The following IFNL2 variants were observed in gnomAD, a reference collection of about 807,000 sequenced individuals.
IFNL2 encodes interferon lambda 2, also known as interferon lambda-2.
Under a neutral mutation model 18.7 loss-of-function variants are expected in IFNL2, and 17 were observed. The ratio of observed to expected loss-of-function variants is 0.91; its 90% CI spans 0.62 to 1.36. The LOEUF (loss-of-function observed/expected upper bound fraction) is 1.36. Among genes scored for constraint, IFNL2 ranks in the 40% most tolerant of loss-of-function variants. The pLI is 0.00. For missense variants in IFNL2, 225 were observed against 257.3 expected (o/e 0.87, Z 0.86); for synonymous variants, 96 against 113.4 (o/e 0.85, Z 0.98).
rs1372278206 is a variant in IFNL2 at position 39,268,798 on chromosome 19, C to T, written c.132C>T (p.Ala44=). Residue 44 remains alanine (A), a synonymous_variant, in exon 2 of 6, where the codon GCC becomes GCT. Transcript: ENST00000331982. ...ALPDARGCHI[A]QFKSLSPQEL... is the part of the protein sequence containing the mutation. ...CGGATGCAAGGGGCTGCCACATAGC[C>T]CAGTTCAAGTCCCTGTCTCCACAGG... 6.2e-7 allele frequency: 1 copy of T among 1,613,796 alleles called. No homozygotes were observed. Among genetic ancestry groups the T allele is most frequent in the African/African-American group, 1.3e-5 (1 of 74,884 alleles).
At position 39,269,630 on chromosome 19, in the gene IFNL2, G is replaced by A. The variant is rs781235388; in HGVS notation, c.413G>A (p.Arg138Gln). 1.4e-5 allele frequency: 23 copies of A among 1,613,990 alleles called. No homozygotes were observed. Among genetic ancestry groups the A allele is most frequent in the Non-Finnish European group, 1.8e-5 (21 of 1,179,940 alleles). Reference sequence around the variant, plus strand: ...CTGCACCATATCCTCTCCCAGTTCCGGGCCTGTGTGAGTCGTTGGGGCCTG... The same window carrying A: ...CTGCACCATATCCTCTCCCAGTTCCAGGCCTGTGTGAGTCGTTGGGGCCTG... ...HTLHHILSQF[R>Q]ACIQPQPTAG... The change falls in exon 4 of 6, where the codon CGG (arginine) becomes CAG (glutamine). Residue 138 changes from arginine (R) to glutamine (Q), a missense_variant. Coordinates refer to ENST00000331982, the MANE Select transcript of IFNL2 (RefSeq NM_172138.2).
At position 39,269,237 on chromosome 19, in the gene IFNL2, G is replaced by A. The variant is rs1230291884; in HGVS notation, c.270+8G>A. 4 of 1,606,366 alleles carry A rather than the reference G, an allele frequency of 2.5e-6. No homozygotes were observed. Among genetic ancestry groups the A allele is most frequent in the Non-Finnish European group, 3.4e-6 (4 of 1,176,686 alleles). The stretch of plus-strand genomic sequence containing the variant: ...GACCTGAGGCAGCTGCAGGTGAGAG[G>A]GGGAGTCAGGCCCACCCCTGCTCTC... On this transcript the variant is annotated splice_region_variant and intron_variant, in intron 3 of 5. Transcript: ENST00000331982.
At chr19:39,268,940 C>T (rs992450663) in intron 2 of IFNL2, 82 bp downstream of exon 2, 11 of 1,523,590 alleles carry the variant, frequency 7.2e-6, no homozygotes, top group Non-Finnish European at 8.9e-6. Context: ...CTCCCAGCTT[C>T]CTTCACTGGG....
In IFNL2 at chr19:39,268,773, C is replaced by G. The variant is rs199501344; in HGVS notation, c.107C>G (p.Pro36Arg). ...GTCGCCAGGCTCCACGGGGCTCTCC[C>G]GGATGCAAGGGGCTGCCACATAGCC... ...VPVARLHGAL[P>R]DARGCHIAQF... The change falls in exon 2 of 6, where the codon CCG (proline) becomes CGG (arginine). Residue 36 changes from proline to arginine, a missense_variant. Coordinates refer to ENST00000331982, the MANE Select transcript of IFNL2 (RefSeq NM_172138.2). The G allele has an allele frequency of 6.8e-6, 11 of 1,613,650 alleles. No homozygotes were observed. The highest frequency in any genetic ancestry group is 3.3e-5 in the Admixed American group (2 of 60,014).
chr19:39,269,964 T>C lies in IFNL2; in HGVS notation c.554T>C (p.Leu185Pro). ...TCTGTCACCTTCAACCTCTTCCGCCTCCTCACGCGAGACCTGAATTGTGTT... is the reference window on the plus strand; with the variant it reads ...TCTGTCACCTTCAACCTCTTCCGCCCCCTCACGCGAGACCTGAATTGTGTT... ...EASVTFNLFRLLTRDLNCVAS... is the reference protein window; with the variant it reads ...EASVTFNLFRPLTRDLNCVAS... Residue 185 changes from leucine (L) to proline (P), a missense_variant, in exon 6 of 6, where the codon CTC becomes CCC. Physicochemically the swap from Leu to Pro is moderately conservative, Grantham distance 98. Transcript: ENST00000331982. 2 of 1,603,412 alleles carry C rather than the reference T, an allele frequency of 1.2e-6. No homozygotes were observed. The highest frequency in any genetic ancestry group is 1.7e-6 in the Non-Finnish European group (2 of 1,174,786).
rs2075022864 is a variant in IFNL2 at position 39,268,417 on chromosome 19, G to A, written c.-152G>A. The A allele has an allele frequency of 2.3e-5, 16 of 710,564 alleles. No homozygotes were observed. Among genetic ancestry groups the A allele is most frequent in the Non-Finnish European group, 3.8e-5 (16 of 416,856 alleles). 44.0% of individuals were successfully genotyped at this position (710,564 alleles called of 1,614,324 possible). The stretch of plus-strand genomic sequence containing the variant: ...AGGCAGGAATTACATCCCAGACAGA[G>A]CTCAAAACTGACAGAAAGAGTCAAA... On this transcript the variant is annotated 5_prime_UTR_variant, in exon 1 of 6. Transcript: ENST00000331982.
chr19:39,269,071 T>C, intron 2 of IFNL2, 81 bp from the exon 3 acceptor site: 2 of 1,502,590 alleles, frequency 1.3e-6, no homozygotes, highest in Non-Finnish European at 1.8e-6. Flanking sequence ...CCTATCCTGT[T>C]GTCAGCCATC....
chr19:39,269,525 C>A lies in IFNL2; in HGVS notation c.308C>A (p.Ala103Asp). 6.2e-7 allele frequency: 1 copy of A among 1,614,218 alleles called. No homozygotes were observed. Among genetic ancestry groups the A allele is most frequent in the South Asian group, 1.1e-5 (1 of 91,088 alleles). The change falls in exon 4 of 6, where the codon GCC (alanine) becomes GAC (aspartate). Residue 103 changes from alanine (A) to aspartate (D), a missense_variant. Ala to Asp is a moderately radical substitution (Grantham distance 126). Transcript: ENST00000331982. ...ERPMALEAELALTLKVLEATA... is the reference protein window; with the variant it reads ...ERPMALEAELDLTLKVLEATA... ...CCCATGGCTTTGGAGGCTGAGCTGGCCCTGACGCTGAAGGTTCTGGAGGCC... is the reference window on the plus strand; with the variant it reads ...CCCATGGCTTTGGAGGCTGAGCTGGACCTGACGCTGAAGGTTCTGGAGGCC...
intron 5 of IFNL2, 39 bp downstream of exon 5, chr19:39,269,860 G>A: frequency 1.6e-5 from 25 of 1,607,930 alleles, no homozygotes; most frequent in Non-Finnish European, 2.1e-5. Flanking sequence ...GGTCTGGGGA[G>A]CCACTGGGAG....
chr19:39,269,458 C>A lies in IFNL2; in HGVS notation c.271-30C>A, dbSNP rs764662143. On this transcript the variant is annotated intron_variant, in intron 3 of 5. Transcript: ENST00000331982. ...CCCAACCTGTTCCCCTCACCTCCCCCCTCACCTGCTCTTTCTCACCTCTCC... is the reference window on the plus strand; with the variant it reads ...CCCAACCTGTTCCCCTCACCTCCCCACTCACCTGCTCTTTCTCACCTCTCC... 6 of 1,613,100 alleles carry A rather than the reference C, an allele frequency of 3.7e-6. No individual in the cohort carries two copies. The African/African-American group carries it at 4.0e-5, about 11-fold the overall frequency.
At position 39,269,236 on chromosome 19, in the gene IFNL2, G is replaced by T. The variant is rs778475720; in HGVS notation, c.270+7G>T. The stretch of plus-strand genomic sequence containing the variant: ...GGACCTGAGGCAGCTGCAGGTGAGA[G>T]GGGGAGTCAGGCCCACCCCTGCTCT... On this transcript the variant is annotated splice_region_variant and intron_variant, in intron 3 of 5. Coordinates refer to ENST00000331982, the MANE Select transcript of IFNL2 (RefSeq NM_172138.2). 1.8e-5 allele frequency: 29 copies of T among 1,606,398 alleles called. No homozygotes were observed. The South Asian group carries it at 2.5e-4, about 14-fold the overall frequency.
chr19:39,269,330 C>T (rs2075026791), intron 3 of IFNL2, 101 bp downstream of exon 3: 1 of 1,477,348 alleles, frequency 6.8e-7, no homozygotes, highest in African/African-American at 1.4e-5. Context: ...TCTCTCTCTT[C>T]TCCTCACACC....
rs2075023625 is a variant in IFNL2 at position 39,268,679 on chromosome 19, A to G, written c.13A>G (p.Met5Val). 1.2e-6 allele frequency: 2 copies of G among 1,613,328 alleles called. No individual in the cohort carries two copies. Among genetic ancestry groups the G allele is most frequent in the Non-Finnish European group, 1.7e-6 (2 of 1,179,850 alleles). The change falls in exon 2 of 6, where the codon ATG (methionine) becomes GTG (valine). Residue 5 changes from methionine (M) to valine (V), a missense_variant and splice_region_variant. Coordinates refer to ENST00000331982, the MANE Select transcript of IFNL2 (RefSeq NM_172138.2). Reference protein sequence around the residue: MKLDMTGDCTPVLVL... With the variant: MKLDVTGDCTPVLVL... ...CTCCCTTTCTCTCTGTGACACAGACATGACTGGGGACTGCACGCCAGTGCT... is the reference window on the plus strand; with the variant it reads ...CTCCCTTTCTCTCTGTGACACAGACGTGACTGGGGACTGCACGCCAGTGCT...
chr19:39,269,634 C>A lies in IFNL2; in HGVS notation c.417C>A (p.Ala139=), dbSNP rs745776133. ...TLHHILSQFR[A]CIQPQPTAGP... ...ACCATATCCTCTCCCAGTTCCGGGC[C>A]TGTGTGAGTCGTTGGGGCCTGGGCA... Residue 139 remains alanine (A), a synonymous_variant, in exon 4 of 6, where the codon GCC becomes GCA. Transcript: ENST00000331982. 6 of 1,613,996 alleles carry A rather than the reference C, an allele frequency of 3.7e-6. No homozygotes were observed. In the South Asian group the frequency reaches 6.6e-5, roughly 18 times the overall value.
intron 2 of IFNL2, 142 bp downstream of exon 2, chr19:39,269,000 G>C: frequency 7.3e-7 from 1 of 1,371,866 alleles, no homozygotes. Context: ...CTACTGTAGG[G>C]ACTGACTCAT....
chr19:39,269,176 T>C lies in IFNL2; in HGVS notation c.217T>C (p.Cys73Arg). ...GGAAGAGTCGCTTCTGCTGAAGGAC[T>C]GCAGGTGCCACTCCCGCCTCTTCCC... ...ALEESLLLKDCRCHSRLFPRT... is the reference protein window; with the variant it reads ...ALEESLLLKDRRCHSRLFPRT... Residue 73 changes from cysteine (C) to arginine (R), a missense_variant, in exon 3 of 6, where the codon TGC becomes CGC. Coordinates refer to ENST00000331982, the MANE Select transcript of IFNL2 (RefSeq NM_172138.2). The C allele has an allele frequency of 4.3e-6, 7 of 1,611,312 alleles. No individual in the cohort carries two copies. Among genetic ancestry groups the C allele is most frequent in the Non-Finnish European group, 5.1e-6 (6 of 1,178,796 alleles).
Position 39,268,633 on chromosome 19 carries a change from G to A in IFNL2, c.11-44G>A, listed in dbSNP as rs371255151. On this transcript the variant is annotated intron_variant, in intron 1 of 5. Coordinates refer to ENST00000331982, the MANE Select transcript of IFNL2 (RefSeq NM_172138.2). ...CTCCTGCAGCCCCTGCCCTCAGTGG[G>A]CAGCCTCTCCATCCCCTCAGCTCCC... 7.4e-6 allele frequency: 12 copies of A among 1,613,598 alleles called. No individual in the cohort carries two copies. In the African/African-American group the frequency reaches 1.3e-4, roughly 18 times the overall value.
intron 4 of IFNL2, 28 bp from the exon 5 acceptor site, chr19:39,269,710 C>T: frequency 6.2e-7 from 1 of 1,606,126 alleles, no homozygotes; most frequent in Non-Finnish European, 8.5e-7. Context: ...AAGGCCCCGG[C>T]TCACACACCG....
Position 39,268,412 on chromosome 19 carries a change from A to G in IFNL2, c.-157A>G. The G allele has an allele frequency of 2.9e-6, 2 of 687,830 alleles. No individual in the cohort carries two copies. The allele number at this position is 687,830 out of a possible 1,614,324, so 42.6% of individuals were successfully genotyped here. On this transcript the variant is annotated 5_prime_UTR_variant, in exon 1 of 6. Transcript: ENST00000331982. ...AGCTCAGGCAGGAATTACATCCCAG[A>G]CAGAGCTCAAAACTGACAGAAAGAG...
Sources: allele counts gnomAD v4.1 joint callset, GRCh38; gene constraint gnomAD v4.1.1; transcripts MANE v1.5; gene names NCBI Gene and HGNC (gene_info 2026-07-23, HGNC 2026-07-21).